The following TEFM variants were observed in gnomAD, a reference collection of about 807,000 sequenced individuals.
TEFM encodes the protein transcription elongation factor, mitochondrial.
TEFM carries 14 observed loss-of-function variants against 23.0 expected under a neutral mutation model. The observed-to-expected ratio is 0.61, with a 90% confidence interval of 0.40 to 0.95. The LOEUF (loss-of-function observed/expected upper bound fraction) is 0.95. Among genes scored for constraint, TEFM ranks in the 40% least tolerant of loss-of-function variants. TEFM has a pLI of 0.00. For synonymous variants in TEFM, 155 were observed against 158.3 expected (o/e 0.98, Z 0.16); for missense variants, 386 against 425.5 (o/e 0.91, Z 0.82).
chr17:30,902,750 G>A (rs1337538323), intron 2 of TEFM, among the ~76,000 whole-genome samples: 1 of 151,666 alleles, frequency 6.6e-6, no homozygotes, highest in Non-Finnish European at 1.5e-5. Flanking sequence ...TCAAAAAACG[G>A]ACCCACTGGT....
chr17:30,899,491 T>G lies in TEFM; in HGVS notation c.761A>C (p.Glu254Ala), dbSNP rs778793102. 1.9e-6 allele frequency: 3 copies of G among 1,614,130 alleles called. No homozygotes were observed. The highest frequency in any genetic ancestry group is 1.7e-6 in the Non-Finnish European group (2 of 1,179,968). The change falls in exon 4 of 4, where the codon GAA (glutamate) becomes GCA (alanine). Residue 254 changes from glutamate (E) to alanine (A), a missense_variant. By Grantham distance (107) the Glu-to-Ala change is moderately radical (BLOSUM62 -1). Coordinates refer to ENST00000581216, the MANE Select transcript of TEFM (RefSeq NM_024683.4). ...ATTTAATAAGGCATACAGCATGGCT[T>G]CCATGATATGAAAATGTAACAGTAT... ...FPILLHFHIMEAMLYALLNKT... is the reference protein window; with the variant it reads ...FPILLHFHIMAAMLYALLNKT...
chr17:30,899,622 C>T lies in TEFM; in HGVS notation c.646-16G>A. 6.8e-7 allele frequency: 1 copy of T among 1,479,396 alleles called. No homozygotes were observed. The highest frequency in any genetic ancestry group is 9.0e-7 in the Non-Finnish European group (1 of 1,108,480). 91.6% of individuals were successfully genotyped at this position (1,479,396 alleles called of 1,614,324 possible). A position where few individuals can be genotyped will look rare whatever the true frequency, so the allele number is the denominator to read the frequency against. ...TCGAGGAAATCTTTTTAAAAAAAGA[C>T]AAAATAAAGGAACAGAAATAATTCA... On this transcript the variant is annotated splice_polypyrimidine_tract_variant and intron_variant, in intron 3 of 3. Coordinates refer to ENST00000581216, the MANE Select transcript of TEFM (RefSeq NM_024683.4).
At chr17:30,900,151 G>T in intron 3 of TEFM, 1 of 427,012 alleles carries the variant, frequency 2.3e-6, no homozygotes, top group Non-Finnish European at 4.1e-6. Context: ...AAATAAAAGA[G>T]TGATAATGTT....
At chr17:30,900,388 G>A (rs748925742) in intron 3 of TEFM, 25 bp downstream of exon 3, 1 of 1,611,154 alleles carries the variant, frequency 6.2e-7, no homozygotes, top group Non-Finnish European at 8.5e-7. Context: ...TAGCAGGTAG[G>A]AATCTGGAGG....
chr17:30,902,101 T>G (rs1910058152), intron 2 of TEFM, among the ~76,000 whole-genome samples: 1 of 152,184 alleles, frequency 6.6e-6, no homozygotes, highest in African/African-American at 2.4e-5. Context: ...TAATTGAATA[T>G]TTAGATTTTG....
intron 2 of TEFM, among the ~76,000 whole-genome samples, chr17:30,901,554 G>A (rs1218303536): frequency 1.3e-5 from 2 of 152,152 alleles, no homozygotes; most frequent in Non-Finnish European, 2.9e-5. Flanking sequence ...CAGTAAATGG[G>A]AAGTTATTTC....
intron 2 of TEFM, among the ~76,000 whole-genome samples, chr17:30,902,952 C>T (rs1598009476): frequency 1.7e-5 from 2 of 114,604 alleles, no homozygotes; most frequent in Middle Eastern, 4.1e-3. Flanking sequence ...ACCATCCTGG[C>T]GCCAACATGG....
intron 3 of TEFM, 87 bp from the exon 4 acceptor site, chr17:30,899,693 AATATT>A: frequency 1.1e-6 from 1 of 877,420 alleles, no homozygotes; most frequent in Non-Finnish European, 1.6e-6. Context: ...TCTATTTAAA[AATATT>A]ATAATTAGTT....
In TEFM at chr17:30,906,135, C is replaced by G. The variant is rs754323036; in HGVS notation, c.31+33G>C. On this transcript the variant is annotated intron_variant, in intron 1 of 3. Coordinates refer to ENST00000581216, the MANE Select transcript of TEFM (RefSeq NM_024683.4). ...TCTAGGGTCAGAGGCTAATGACAGA[C>G]GGGAAATCACCCCAGTGTTCCAAGC... 4.7e-6 allele frequency: 7 copies of G among 1,476,568 alleles called. No individual in the cohort carries two copies. In the South Asian group the frequency reaches 8.6e-5, roughly 18 times the overall value. 91.5% of individuals were successfully genotyped at this position (1,476,568 alleles called of 1,614,324 possible). A position where few individuals can be genotyped will look rare whatever the true frequency, so the allele number is the denominator to read the frequency against.
intron 1 of TEFM, among the ~76,000 whole-genome samples, chr17:30,904,968 G>A (rs1910135717): frequency 6.6e-6 from 1 of 152,050 alleles, no homozygotes; most frequent in African/African-American, 2.4e-5. Context: ...GTGAGCCACT[G>A]TGCCCGGCCC....
At position 30,904,442 on chromosome 17, in the gene TEFM, G is replaced by C. The variant is rs765891385; in HGVS notation, c.119C>G (p.Pro40Arg). 4 of 1,614,010 alleles carry C rather than the reference G, an allele frequency of 2.5e-6. No individual in the cohort carries two copies. Among genetic ancestry groups the C allele is most frequent in the Admixed American group, 3.3e-5 (2 of 59,978 alleles). ...NFCCRKKSTTPKKITPNVTFC... is the reference protein window; with the variant it reads ...NFCCRKKSTTRKKITPNVTFC... ...AGTAACATTGGGAGTAATTTTCTTAGGTGTAGTGGATTTTTTCCGACAGCA... is the reference window on the plus strand; with the variant it reads ...AGTAACATTGGGAGTAATTTTCTTACGTGTAGTGGATTTTTTCCGACAGCA... Residue 40 changes from proline (P) to arginine (R), a missense_variant, in exon 2 of 4, where the codon CCT becomes CGT. Physicochemically the swap from Pro to Arg is moderately radical, Grantham distance 103. Coordinates refer to ENST00000581216, the MANE Select transcript of TEFM (RefSeq NM_024683.4).
At chr17:30,900,267 G>A in intron 3 of TEFM, 146 bp downstream of exon 3, 1 of 754,458 alleles carries the variant, frequency 1.3e-6, no homozygotes, top group Non-Finnish European at 2.0e-6. Flanking sequence ...AATCAAAGGT[G>A]ATGGAAAACA....
At chr17:30,902,048 T>G (rs1279994404) in intron 2 of TEFM, among the ~76,000 whole-genome samples, 10 of 152,114 alleles carry the variant, frequency 6.6e-5, no homozygotes, top group African/African-American at 2.4e-4. Flanking sequence ...ATGCATTAAG[T>G]TTGGGTTGCC....
chr17:30,900,638 G>T, intron 2 of TEFM, 76 bp from the exon 3 acceptor site: 1 of 1,362,378 alleles, frequency 7.3e-7, no homozygotes, highest in Non-Finnish European at 1.0e-6. Context: ...GTCTCGCTCT[G>T]TCTCCCAGGC....
intron 3 of TEFM, chr17:30,900,082 G>T: frequency 2.6e-6 from 1 of 378,152 alleles, no homozygotes. Flanking sequence ...TGACCATTTC[G>T]CAAGGTTTTG....
chr17:30,899,282 G>C lies in TEFM; in HGVS notation c.970C>G (p.His324Asp). The change falls in exon 4 of 4, where the codon CAC becomes GAC. Residue 324 changes from histidine to aspartate, a missense_variant. Physicochemically the swap from His to Asp is moderately conservative, Grantham distance 81 (BLOSUM62 -1). Coordinates refer to ENST00000581216, the MANE Select transcript of TEFM (RefSeq NM_024683.4). ...RVFFPSDKIV[H>D]YRQMFLSTEL... ...GTAGATAAAAACATCTGTCTGTAGT[G>C]AACTATTTTATCTGATGGGAAGAAC... The C allele has an allele frequency of 6.2e-7, 1 of 1,614,182 alleles. No individual in the cohort carries two copies. The highest frequency in any genetic ancestry group is 1.3e-5 in the African/African-American group (1 of 75,056).
rs760013662 is a variant in TEFM at position 30,904,071 on chromosome 17, GTCTTTC to G, written c.484_489del (p.Glu162_Arg163del). 27 of 1,612,140 alleles carry G rather than the reference GTCTTTC, an allele frequency of 1.7e-5. No homozygotes were observed. Among genetic ancestry groups the G allele is most frequent in the Non-Finnish European group, 2.1e-5 (25 of 1,179,014 alleles). On this transcript the variant is annotated inframe_deletion, in exon 2 of 4. Coordinates refer to ENST00000581216, the MANE Select transcript of TEFM (RefSeq NM_024683.4). ...AGCAGACATGAAGAATATACCTTAA[GTCTTTC>G]TCTTTCTATGTCTGGTTTGAGGAGC...
At chr17:30,904,915 TG>T (rs1910134450) in intron 1 of TEFM, among the ~76,000 whole-genome samples, 1 of 151,996 alleles carries the variant, frequency 6.6e-6, no homozygotes, top group Non-Finnish European at 1.5e-5. Flanking sequence ...CCTGACCTCG[TG>T]ATCCGCCCAC....
chr17:30,899,120 T>C lies in TEFM; in HGVS notation c.*49A>G, dbSNP rs1286729891. On this transcript the variant is annotated 3_prime_UTR_variant, in exon 4 of 4. Coordinates refer to ENST00000581216, the MANE Select transcript of TEFM (RefSeq NM_024683.4). ...TAACATGGATGTTCACAACAGTTGG[T>C]GTTACGTTAGAGCTAATAATTATAC... is the stretch of plus-strand genomic sequence containing the variant. 3.6e-5 allele frequency: 51 copies of C among 1,408,380 alleles called. No homozygotes were observed. The highest frequency in any genetic ancestry group is 4.4e-5 in the Non-Finnish European group (46 of 1,046,010). 87.2% of individuals were successfully genotyped at this position (1,408,380 alleles called of 1,614,324 possible). A position where few individuals can be genotyped will look rare whatever the true frequency, so the allele number is the denominator to read the frequency against.
Sources: gnomAD v4.1 joint callset for allele counts (sites outside exome capture counted in the v4.1 genomes callset) on GRCh38, gnomAD v4.1.1 for gene constraint, MANE v1.5 for transcripts, NCBI Gene and HGNC (gene_info 2026-07-23, HGNC 2026-07-21) for gene names.